The following ARSD variants were observed in gnomAD, a reference collection of about 807,000 sequenced individuals.
The protein encoded by ARSD is arylsulfatase D, also known as testis tissue sperm-binding protein Li 39a.
Under a neutral mutation model 32.6 loss-of-function variants are expected in ARSD, and 21 were observed. That is an observed-to-expected ratio of 0.64 (90% CI 0.46 to 0.93). ARSD has a LOEUF of 0.93. Among genes scored for constraint, ARSD ranks in the 40% least tolerant of loss-of-function variants. The pLI is 0.00. For synonymous variants in ARSD, 224 were observed against 237.4 expected, an observed-to-expected ratio of 0.94 and a Z score of 0.52; for missense variants, 454 against 520.9, an observed-to-expected ratio of 0.87 and a Z score of 1.25.
intron 1 of ARSD, among the ~76,000 whole-genome samples, chrX:2,928,238 G>A (rs1191303182): frequency 9.4e-6 from 1 of 105,988 alleles, no homozygotes; most frequent in Non-Finnish European, 1.9e-5. Flanking sequence ...GGCGCCGGGG[G>A]ATGGCCAGAG....
At chrX:2,909,597 T>C (rs1393827058) in intron 8 of ARSD, among the ~76,000 whole-genome samples, 9 of 104,728 alleles carry the variant, frequency 8.6e-5, no homozygotes, top group Non-Finnish European at 1.4e-4. Context: ...GACAGGAGAA[T>C]TGCTTGAACC....
chrX:2,913,795 C>CG (rs2088923547), intron 6 of ARSD: 2 of 856,868 alleles, frequency 2.3e-6, no homozygotes, highest in African/African-American at 2.2e-5. Context: ...TCCTCAGAAT[C>CG]GGCGGTGGGG....
At chrX:2,921,808 C>A (rs1027879095) in intron 3 of ARSD, 95 bp downstream of exon 3, 1 of 1,023,626 alleles carries the variant, frequency 9.8e-7, no homozygotes, top group Non-Finnish European at 1.3e-6. Context: ...TGTACCATTG[C>A]CCCTGTATCT....
chrX:2,907,776 C>T, intron 9 of ARSD, 144 bp from the exon 10 acceptor site: 1 of 1,038,115 alleles, frequency 9.6e-7, no homozygotes, highest in Non-Finnish European at 1.2e-6. Flanking sequence ...CACACAATCA[C>T]AGCCTTCAGC....
Position 2,918,006 on chromosome X carries a change from C to G in ARSD, c.661G>C (p.Gly221Arg). 8.3e-7 allele frequency: 1 copy of G among 1,208,216 alleles called. No homozygotes were observed. Among genetic ancestry groups the G allele is most frequent in the Non-Finnish European group, 1.1e-6 (1 of 893,578 alleles). ...ILTLAAGQTC[G>R]FFSVSARAVT... ...GCTCTCGCGGAGACAGAGAAGAAACCGCAGGTCTGGCCGGCAGCCAGGGTG... is the reference window on the plus strand; with the variant it reads ...GCTCTCGCGGAGACAGAGAAGAAACGGCAGGTCTGGCCGGCAGCCAGGGTG... Residue 221 changes from glycine (G) to arginine (R), a missense_variant, in exon 5 of 10, where the codon GGT becomes CGT. Gly to Arg is a moderately radical substitution (Grantham distance 125). Transcript: ENST00000381154.
rs771232280 is a variant in ARSD, at chrX:2,908,545, T to A, written c.1420+176A>T. Among the ~76,000 whole-genome samples the A allele has an allele frequency of 5.3e-5, 4 of 74,936 alleles. No homozygotes were observed. The East Asian group carries it at 1.7e-3, about 32-fold the overall frequency. 65.1% of individuals were successfully genotyped at this position (74,936 alleles called of 115,157 possible). On this transcript the variant is annotated intron_variant, in intron 9 of 9. Coordinates refer to ENST00000381154, the MANE Select transcript of ARSD (RefSeq NM_001669.4). ...TCTCTCTCTCTCTCTCCCCCCCCCA[T>A]CATCTATCTATAATCTACTCATCGG...
Position 2,911,662 on chromosome X carries a change from T to C in ARSD, c.1001-869A>G, listed in dbSNP as rs954256410. On this transcript the variant is annotated intron_variant, in intron 6 of 9. Transcript: ENST00000381154. ...TCCAGCCTGGGCGACAGGGTGAGAC[T>C]CCATCTCAAAAAAAAAAAAAAAAGA... Among the ~76,000 whole-genome samples, 109 of 58,838 alleles carry C rather than the reference T, an allele frequency of 1.9e-3. 1 individual carries two copies. Among genetic ancestry groups the C allele is most frequent in the Non-Finnish European group, 2.8e-3 (97 of 34,166 alleles). The allele number at this position is 58,838 out of a possible 115,157, so 51.1% of individuals were successfully genotyped here.
chrX:2,912,113 T>C (rs1462207221), intron 6 of ARSD, among the ~76,000 whole-genome samples: 2 of 111,916 alleles, frequency 1.8e-5, no homozygotes, highest in Non-Finnish European at 1.9e-5. Context: ...CACTCCAGCC[T>C]GGGCAACAGA....
Position 2,906,806 on chromosome X carries a change from C to A in ARSD, c.*465G>T, listed in dbSNP as rs1264364970. On this transcript the variant is annotated 3_prime_UTR_variant, in exon 10 of 10. Transcript: ENST00000381154. ...TGCCTACTGGGACAGTCTTATTTCACAAATCAGGAAAGGGAAACCCTACAT... is the reference window on the plus strand; with the variant it reads ...TGCCTACTGGGACAGTCTTATTTCAAAAATCAGGAAAGGGAAACCCTACAT... 2 of 115,627 alleles carry A rather than the reference C, an allele frequency of 1.7e-5. No individual in the cohort carries two copies. Among genetic ancestry groups the A allele is most frequent in the African/African-American group, 6.5e-5 (2 of 30,907 alleles). The allele number at this position is 115,627 out of a possible 1,213,427, so 9.5% of individuals were successfully genotyped here.
At chrX:2,921,403 TTATCTAGC>T (rs1418841226) in intron 3 of ARSD, among the ~76,000 whole-genome samples, 3 of 112,129 alleles carry the variant, frequency 2.7e-5, no homozygotes, top group Admixed American at 9.5e-5. Flanking sequence ...CAATCATCTC[TTATCTAGC>T]TATCTAGCTA....
At chrX:2,914,356 T>C (rs75184479) in intron 6 of ARSD, 8 of 480,033 alleles carry the variant, frequency 1.7e-5, no homozygotes, top group Non-Finnish European at 1.6e-5. Context: ...CCTCAGCCTC[T>C]GGAGTAGCTG....
At chrX:2,919,160 A>T (rs1217350934) in intron 4 of ARSD, among the ~76,000 whole-genome samples, 1 of 101,307 alleles carries the variant, frequency 9.9e-6, no homozygotes, top group Admixed American at 1.1e-4. Flanking sequence ...AAAAAACTTT[A>T]AAAAAATTCA....
rs751447394 is a variant in ARSD, at chrX:2,915,495, A to T, written c.1000+61T>A. 1.2e-4 allele frequency: 142 copies of T among 1,195,177 alleles called. 1 individual carries two copies. In the East Asian group the frequency reaches 1.7e-3, roughly 14 times the overall value. On this transcript the variant is annotated intron_variant, in intron 6 of 9. Coordinates refer to ENST00000381154, the MANE Select transcript of ARSD (RefSeq NM_001669.4). Reference sequence around the variant, plus strand: ...TTCATATTCAGATGGCCAGTCTGTTACGCCCTATGTTCAAACCTGAGGCCG... The same window carrying T: ...TTCATATTCAGATGGCCAGTCTGTTTCGCCCTATGTTCAAACCTGAGGCCG...
intron 1 of ARSD, among the ~76,000 whole-genome samples, chrX:2,928,548 G>A (rs1490262169): frequency 2.1e-5 from 2 of 97,072 alleles, no homozygotes; most frequent in Non-Finnish European, 2.1e-5. Flanking sequence ...GCGGGGGGCG[G>A]GAAGGGGCCT....
intron 1 of ARSD, 67 bp downstream of exon 1, chrX:2,929,165 T>G (rs1267228303): frequency 1.0e-6 from 1 of 969,488 alleles, no homozygotes; most frequent in Non-Finnish European, 1.3e-6. Flanking sequence ...CTCGCCGTGC[T>G]CGCGACCCCC....
In ARSD at chrX:2,904,482, AGGAGCCC is replaced by A. The variant is rs946031515; in HGVS notation, c.*2782_*2788del. 2 of 112,201 alleles carry A rather than the reference AGGAGCCC, an allele frequency of 1.8e-5. No homozygotes were observed. Among genetic ancestry groups the A allele is most frequent in the African/African-American group, 6.5e-5 (2 of 30,693 alleles). 9.2% of individuals were successfully genotyped at this position (112,201 alleles called of 1,213,427 possible). ...CAGAAAAGTCCAAAGATGCACTCAC[AGGAGCCC>A]GTTAGTCAACTGAAGCTGGTTCATG... On this transcript the variant is annotated 3_prime_UTR_variant, in exon 10 of 10. Coordinates refer to ENST00000381154, the MANE Select transcript of ARSD (RefSeq NM_001669.4).
At chrX:2,909,390 G>A (rs1370999827) in intron 8 of ARSD, among the ~76,000 whole-genome samples, 5 of 111,039 alleles carry the variant, frequency 4.5e-5, no homozygotes, top group East Asian at 2.8e-4. Flanking sequence ...GTTTCACCAC[G>A]TTGGCCAGGC....
chrX:2,911,915 C>T (rs1223991302), intron 6 of ARSD, among the ~76,000 whole-genome samples: 2 of 110,980 alleles, frequency 1.8e-5, no homozygotes, highest in African/African-American at 3.3e-5. Context: ...GCAGGAAGAT[C>T]CATTGAGCTC....
rs1415482910 is a variant in ARSD, at chrX:2,921,815, A to G, written c.316+88T>C. ...GTGATCTTTGTACCATTGCCCCTGT[A>G]TCTTCACCATCAGTACTCAACTGTT... is the stretch of plus-strand genomic sequence containing the variant. On this transcript the variant is annotated intron_variant, in intron 3 of 9. Transcript: ENST00000381154. 3.7e-6 allele frequency: 4 copies of G among 1,068,796 alleles called. No homozygotes were observed. In the Admixed American group the frequency reaches 8.1e-5, roughly 22 times the overall value. 88.1% of individuals were successfully genotyped at this position (1,068,796 alleles called of 1,213,427 possible).
Sources: allele counts gnomAD v4.1 joint callset (sites outside exome capture counted in the v4.1 genomes callset), GRCh38; gene constraint gnomAD v4.1.1; transcripts MANE v1.5; gene names NCBI Gene and HGNC (gene_info 2026-07-23, HGNC 2026-07-21).